The following MYH2 variants were observed in gnomAD, a reference collection of about 807,000 sequenced individuals.
MYH2 encodes myosin-2.
MYH2 carries 139 observed loss-of-function variants against 228.1 expected under a neutral mutation model. The observed-to-expected ratio is 0.61, with a 90% CI of 0.53 to 0.70. The LOEUF (loss-of-function observed/expected upper bound fraction) is 0.70, where lower values mean the gene tolerates loss of function less well. MYH2 is among the 30% of genes least tolerant of loss of function. MYH2 has a pLI of 0.00. For missense variants in MYH2, 1,809 were observed against 2,357.5 expected (o/e 0.77, Z 4.82); for synonymous variants, 796 against 871.1 (o/e 0.91, Z 1.52).
intron 28 of MYH2, 77 bp from the exon 29 acceptor site, chr17:10,527,133 G>T (rs2142296149): frequency 7.4e-7 from 1 of 1,357,266 alleles, no homozygotes; most frequent in South Asian, 1.2e-5. Context: ...AAGAAATTTT[G>T]ACTCTTATTT....
Position 10,528,672 on chromosome 17 carries a change from T to G in MYH2, c.3744+18A>C. On this transcript the variant is annotated intron_variant, in intron 27 of 39. Transcript: ENST00000245503. ...TAATGCATTATTTTCAATAACAATT[T>G]CCCAGAATTTGTAGTACCTTGGCTT... 1 of 1,613,994 alleles carries G rather than the reference T, an allele frequency of 6.2e-7. No individual in the cohort carries two copies. The highest frequency in any genetic ancestry group is 8.5e-7 in the Non-Finnish European group (1 of 1,179,898).
chr17:10,537,559 A>G lies in MYH2; in HGVS notation c.1588-17T>C. 6.2e-7 allele frequency: 1 copy of G among 1,614,120 alleles called. No homozygotes were observed. The highest frequency in any genetic ancestry group is 1.1e-5 in the South Asian group (1 of 91,070). On this transcript the variant is annotated splice_polypyrimidine_tract_variant and intron_variant, in intron 15 of 39. Transcript: ENST00000245503. The surrounding 1 kb of genome is among the most constrained non-coding windows in gnomAD (Gnocchi z 4.0). ...GCCCATAGGCTAAAAAGCAGACCAC[A>G]ACACAAAATTGTACTTCTATTTTTT...
At chr17:10,541,269 G>A (rs982105460) in intron 10 of MYH2, among the ~76,000 whole-genome samples, 26 of 152,162 alleles carry the variant, frequency 1.7e-4, no homozygotes, top group Non-Finnish European at 2.8e-4. Flanking sequence ...AAGAAATATC[G>A]CTGAATTCTT....
In MYH2 at chr17:10,547,959, T is replaced by C; in HGVS notation, c.-20-19A>G. 6.3e-7 allele frequency: 1 copy of C among 1,598,674 alleles called. No individual in the cohort carries two copies. The highest frequency in any genetic ancestry group is 2.2e-5 in the East Asian group (1 of 44,732). On this transcript the variant is annotated intron_variant, in intron 2 of 39. Transcript: ENST00000245503. ...AGAGGTCCTAAAGGAGATAAAACTT[T>C]CACATTAGAGAGTCTGGATTGCCAT...
rs757188628 is a variant in MYH2 at position 10,537,371 on chromosome 17, C to T, written c.1759G>A (p.Gly587Ser). 1 of 1,614,166 alleles carries T rather than the reference C, an allele frequency of 6.2e-7. No homozygotes were observed. Among genetic ancestry groups the T allele is most frequent in the Admixed American group, 1.7e-5 (1 of 60,010 alleles). The change falls in exon 16 of 40, where the codon GGT (glycine) becomes AGT (serine). Residue 587 changes from glycine (G) to serine (S), a missense_variant. Around this residue, in one of 9 missense-constraint regions of MYH2, gnomAD observed 41 missense variants for 35.1 expected, o/e 1.17. Coordinates refer to ENST00000245503, the MANE Select transcript of MYH2 (RefSeq NM_017534.6). This position sits in a 1 kb window ranked among gnomAD's most constrained non-coding sequence, Gnocchi z 4.0. ...EAHFALIHYA[G>S]VVDYNITGWL... ...CCAGTAATGTTGTAGTCCACAACAC[C>T]AGCATAGTGAATCAGAGCGAAGTGG...
rs779953763 is a variant in MYH2 at position 10,524,902 on chromosome 17, G to A, written c.4826C>T (p.Ala1609Val). The change falls in exon 34 of 40, where the codon GCT becomes GTT. Residue 1609 changes from alanine to valine, a missense_variant. By Grantham distance (64) the Ala-to-Val change is moderately conservative (BLOSUM62 0). Coordinates refer to ENST00000245503, the MANE Select transcript of MYH2 (RefSeq NM_017534.6). This position sits in a 1 kb window ranked among gnomAD's most constrained non-coding sequence, Gnocchi z 4.7. ...IVESMQSTLD[A>V]EIRSRNDAIR... ...GGCATCATTCCTACTCCTGATCTCA[G>A]CATCCAGCGTGCTCTGCATGGACTC... 4.3e-6 allele frequency: 7 copies of A among 1,614,006 alleles called. No individual in the cohort carries two copies. In the South Asian group the frequency reaches 7.7e-5, roughly 18 times the overall value.
intron 30 of MYH2, 53 bp downstream of exon 30, chr17:10,526,546 T>G: frequency 6.2e-7 from 1 of 1,609,510 alleles, no homozygotes; most frequent in Non-Finnish European, 8.5e-7. Context: ...GTCATGTCTT[T>G]CTGATTCAAT....
chr17:10,523,034 G>A (rs1001288027), intron 39 of MYH2, 56 bp downstream of exon 39: 3 of 1,236,284 alleles, frequency 2.4e-6, no homozygotes, highest in African/African-American at 1.5e-5. Context: ...TTCACTACAA[G>A]AAGTAGTAAT....
chr17:10,537,112 A>G lies in MYH2; in HGVS notation c.1897+121T>C, dbSNP rs958618824. On this transcript the variant is annotated intron_variant, in intron 16 of 39. Coordinates refer to ENST00000245503, the MANE Select transcript of MYH2 (RefSeq NM_017534.6). This position sits in a 1 kb window ranked among gnomAD's most constrained non-coding sequence, Gnocchi z 4.0. ...AATTACAAGGCTGCCTATCTATTCAATACTTGGAGGAACCAGGGGCTTGGT... is the reference window on the plus strand; with the variant it reads ...AATTACAAGGCTGCCTATCTATTCAGTACTTGGAGGAACCAGGGGCTTGGT... 3.5e-5 allele frequency: 47 copies of G among 1,335,244 alleles called. No individual in the cohort carries two copies. Among genetic ancestry groups the G allele is most frequent in the Admixed American group, 2.7e-4 (16 of 59,496 alleles). 82.7% of individuals were successfully genotyped at this position (1,335,244 alleles called of 1,614,324 possible).
In MYH2 at chr17:10,543,699, C is replaced by T; in HGVS notation, c.741+12G>A. 6.2e-7 allele frequency: 1 copy of T among 1,614,038 alleles called. No homozygotes were observed. The highest frequency in any genetic ancestry group is 8.5e-7 in the Non-Finnish European group (1 of 1,179,916). Reference sequence around the variant, plus strand: ...AGTGAACAGCATCTATTAGCGTGTCCAAGAGACTTACAAAGCGAGAGGAGT... The same window carrying T: ...AGTGAACAGCATCTATTAGCGTGTCTAAGAGACTTACAAAGCGAGAGGAGT... On this transcript the variant is annotated intron_variant, in intron 8 of 39. Coordinates refer to ENST00000245503, the MANE Select transcript of MYH2 (RefSeq NM_017534.6).
In MYH2 at chr17:10,526,707, T is replaced by C. The variant is rs1182513821; in HGVS notation, c.4079A>G (p.Lys1360Arg). Residue 1360 changes from lysine to arginine, a missense_variant, in exon 30 of 40, where the codon AAG (lysine) becomes AGG (arginine). Around this residue, in one of 9 missense-constraint regions of MYH2, gnomAD observed 636 missense variants for 729.9 expected, o/e 0.87. Coordinates refer to ENST00000245503, the MANE Select transcript of MYH2 (RefSeq NM_017534.6). The part of the protein sequence containing the change: ...REQYEEEQES[K>R]AELQRALSKA... The stretch of plus-strand genomic sequence containing the variant: ...GGACAGTGCTCTCTGCAGCTCGGCC[T>C]TGGATTCCTGCTCCTCCTCATACTG... 3 of 1,614,020 alleles carry C rather than the reference T, an allele frequency of 1.9e-6. No homozygotes were observed. In the South Asian group the frequency reaches 3.3e-5, roughly 18 times the overall value.
At position 10,537,389 on chromosome 17, in the gene MYH2, C is replaced by T. The variant is rs757972369; in HGVS notation, c.1741G>A (p.Ala581Thr). 39 of 1,614,014 alleles carry T rather than the reference C, an allele frequency of 2.4e-5. No individual in the cohort carries two copies. In the South Asian group the frequency reaches 2.6e-4, roughly 11 times the overall value. ...ACAACACCAGCATAGTGAATCAGAGCGAAGTGGGCCTCGGCCTTGCCTTTG... is the reference window on the plus strand; with the variant it reads ...ACAACACCAGCATAGTGAATCAGAGTGAAGTGGGCCTCGGCCTTGCCTTTG... ...VVKGKAEAHF[A>T]LIHYAGVVDY... Residue 581 changes from alanine to threonine, a missense_variant, in exon 16 of 40, where the codon GCT becomes ACT. By Grantham distance (58) the Ala-to-Thr change is moderately conservative. Transcript: ENST00000245503. The surrounding 1 kb of genome is among the most constrained non-coding windows in gnomAD (Gnocchi z 4.0).
Position 10,537,655 on chromosome 17 carries a change from C to T in MYH2, c.1587+10G>A, listed in dbSNP as rs2073499063. On this transcript the variant is annotated intron_variant, in intron 15 of 39. Coordinates refer to ENST00000245503, the MANE Select transcript of MYH2 (RefSeq NM_017534.6). The surrounding 1 kb of genome is among the most constrained non-coding windows in gnomAD (Gnocchi z 4.0). ...GCCGCAAAATATGGTTTCAGAAATG[C>T]AAAACCAACCTTCTCGATGAGCTCG... 1 of 1,613,986 alleles carries T rather than the reference C, an allele frequency of 6.2e-7. No homozygotes were observed. The highest frequency in any genetic ancestry group is 1.3e-5 in the African/African-American group (1 of 74,898).
chr17:10,545,247 G>A (rs2142321377), intron 5 of MYH2, 99 bp downstream of exon 5: 1 of 1,603,414 alleles, frequency 6.2e-7, no homozygotes, highest in Non-Finnish European at 8.5e-7. Flanking sequence ...CAACTAAAAG[G>A]GACGATCTCA....
chr17:10,521,341 T>C lies in MYH2; in HGVS notation c.5765A>G (p.Gln1922Arg), dbSNP rs1350620712. 21 of 1,614,080 alleles carry C rather than the reference T, an allele frequency of 1.3e-5. No individual in the cohort carries two copies. Among genetic ancestry groups the C allele is most frequent in the Non-Finnish European group, 1.8e-5 (21 of 1,180,040 alleles). The change falls in exon 40 of 40, where the codon CAG becomes CGG. Residue 1922 changes from glutamine (Q) to arginine (R), a missense_variant. Gln to Arg is a conservative substitution (Grantham distance 43, BLOSUM62 1). Coordinates refer to ENST00000245503, the MANE Select transcript of MYH2 (RefSeq NM_017534.6). ...AEERADIAES[Q>R]VNKLRVKSRE... ...GCTCTTCACCCGCAGTTTGTTCACC[T>C]GGGACTCAGCAATGTCAGCCCGTTC...
intron 27 of MYH2, among the ~76,000 whole-genome samples, 173 bp from the exon 28 acceptor site, chr17:10,528,047 C>CTTTTTT (rs71365770): frequency 9.9e-5 from 13 of 131,870 alleles, no homozygotes; most frequent in South Asian, 4.8e-4. Flanking sequence ...TTCTTTCTTT[C>CTTTTTT]TTTTTTTTTT....
Position 10,524,759 on chromosome 17 carries a change from T to C in MYH2, c.4969A>G (p.Lys1657Glu). 6.2e-7 allele frequency: 1 copy of C among 1,614,040 alleles called. No homozygotes were observed. The highest frequency in any genetic ancestry group is 8.5e-7 in the Non-Finnish European group (1 of 1,179,900). The stretch of plus-strand genomic sequence containing the variant: ...GACCATCTCTTGGACATATTTACCT[T>C]GAGGATGCCTTGGGTGTTCCTGTAG... ...RNYRNTQGIL[K>E]DTQIHLDDAL... The change falls in exon 34 of 40, where the codon AAG becomes GAG. Residue 1657 changes from lysine to glutamate, a missense_variant and splice_region_variant. Coordinates refer to ENST00000245503, the MANE Select transcript of MYH2 (RefSeq NM_017534.6). The surrounding 1 kb of genome is among the most constrained non-coding windows in gnomAD (Gnocchi z 4.7).
chr17:10,522,214 T>G (rs996532075), intron 39 of MYH2, among the ~76,000 whole-genome samples: 14 of 152,210 alleles, frequency 9.2e-5, no homozygotes, highest in African/African-American at 3.4e-4. Flanking sequence ...GAAAGACCTA[T>G]CTGGACTTGG....
Position 10,524,742 on chromosome 17 carries a change from C to G in MYH2, c.4971+15G>C, listed in dbSNP as rs779161804. 1.2e-5 allele frequency: 19 copies of G among 1,614,216 alleles called. No individual in the cohort carries two copies. In the East Asian group the frequency reaches 2.2e-4, roughly 19 times the overall value. On this transcript the variant is annotated intron_variant, in intron 34 of 39. Coordinates refer to ENST00000245503, the MANE Select transcript of MYH2 (RefSeq NM_017534.6). The surrounding 1 kb of genome is among the most constrained non-coding windows in gnomAD (Gnocchi z 4.7). Reference sequence around the variant, plus strand: ...CACCCCAATAGTCCTGGGACCATCTCTTGGACATATTTACCTTGAGGATGC... The same window carrying G: ...CACCCCAATAGTCCTGGGACCATCTGTTGGACATATTTACCTTGAGGATGC...
Sources: allele counts gnomAD v4.1 joint callset (sites outside exome capture counted in the v4.1 genomes callset), GRCh38; gene constraint gnomAD v4.1.1; regional missense constraint gnomAD v4.1.1; non-coding constraint Gnocchi (gnomAD v3.1); transcripts MANE v1.5; gene names NCBI Gene and HGNC (gene_info 2026-07-23, HGNC 2026-07-21).